Variants in DLGAP2 observed in about 807,000 individuals in gnomAD.
DLGAP2 encodes disks large-associated protein 2.
A neutral mutation model predicts 100.3 loss-of-function variants in DLGAP2; 26 were observed. The ratio of observed to expected loss-of-function variants is 0.26; its 90% confidence interval spans 0.19 to 0.36. The LOEUF (loss-of-function observed/expected upper bound fraction) is 0.36. Among genes scored for constraint, DLGAP2 ranks in the 10% least tolerant of loss-of-function variants. The pLI, the probability that DLGAP2 is intolerant of heterozygous loss-of-function variation, is 1.00. For synonymous variants in DLGAP2, 886 were observed against 630.1 expected (o/e 1.41, Z -6.08); for missense variants, 1,858 against 1,453.2 (o/e 1.28, Z -4.53).
At chr8:1,452,381 C>T (rs557615610) in intron 3 of DLGAP2, among the ~76,000 whole-genome samples, 15 of 152,300 alleles carry the variant, frequency 9.8e-5, no homozygotes, top group African/African-American at 2.6e-4. Flanking sequence ...AGCCCTGAGC[C>T]GAGGCTATGC....
At chr8:898,357 C>T (rs1429827917) in intron 1 of DLGAP2, among the ~76,000 whole-genome samples, 2 of 152,184 alleles carry the variant, frequency 1.3e-5, no homozygotes, top group East Asian at 1.9e-4. Flanking sequence ...GCACACGCAT[C>T]TCCTCGGGCT....
chr8:1,330,886 G>T (rs1801141905), intron 3 of DLGAP2, among the ~76,000 whole-genome samples: 1 of 150,164 alleles, frequency 6.7e-6, no homozygotes, highest in Non-Finnish European at 1.5e-5. Context: ...TCGCTTCACG[G>T]GGACTGAGTT....
intron 2 of DLGAP2, among the ~76,000 whole-genome samples, chr8:1,221,162 A>G (rs57679355): frequency 0.077 from 11,726 of 152,120 alleles, 1,097 homozygotes; most frequent in African/African-American, 0.22. Context: ...ATCGTTATGT[A>G]TACTCGGTTA....
intron 2 of DLGAP2, among the ~76,000 whole-genome samples, chr8:1,126,815 C>T (rs113475848): frequency 0.015 from 2,229 of 152,120 alleles, 56 homozygotes; most frequent in African/African-American, 0.051. Flanking sequence ...CTCCCACGGG[C>T]TCTGGAAGGC....
chr8:1,180,802 T>C (rs1238462282), intron 2 of DLGAP2, among the ~76,000 whole-genome samples: 1 of 151,716 alleles, frequency 6.6e-6, no homozygotes, highest in Non-Finnish European at 1.5e-5. Context: ...GCAAGGGCAG[T>C]ACACTTACCG....
At chr8:1,043,825 C>G (rs1192363413) in intron 2 of DLGAP2, among the ~76,000 whole-genome samples, 1 of 152,118 alleles carries the variant, frequency 6.6e-6, no homozygotes, top group East Asian at 1.9e-4. Flanking sequence ...TCTTTGGCTG[C>G]TGTTAGAAGG....
intron 3 of DLGAP2, among the ~76,000 whole-genome samples, chr8:1,475,709 C>T (rs1315689868): frequency 6.6e-6 from 1 of 152,220 alleles, no homozygotes; most frequent in African/African-American, 2.4e-5. Flanking sequence ...CACGGCAGAA[C>T]ACGAGTGGCA....
chr8:1,552,402 C>A (rs1801800612), intron 5 of DLGAP2, among the ~76,000 whole-genome samples: 1 of 152,226 alleles, frequency 6.6e-6, no homozygotes, highest in Non-Finnish European at 1.5e-5. Flanking sequence ...CTCACTGTCC[C>A]CCAGTGGTTG....
At chr8:1,214,530 C>T (rs962838616) in intron 2 of DLGAP2, among the ~76,000 whole-genome samples, 1 of 152,202 alleles carries the variant, frequency 6.6e-6, no homozygotes, top group African/African-American at 2.4e-5. Flanking sequence ...ATACCCTAAC[C>T]CGGAAGTCAG....
At chr8:998,819 A>G (rs1325747634) in intron 2 of DLGAP2, among the ~76,000 whole-genome samples, 1 of 152,142 alleles carries the variant, frequency 6.6e-6, no homozygotes, top group African/African-American at 2.4e-5. Flanking sequence ...TCCTCATAAC[A>G]GCAGTCTTTA....
In DLGAP2 at chr8:1,644,024, GCCC is replaced by G. The variant is rs1167796397; in HGVS notation, c.1810+10979_1810+10981del. Among the ~76,000 whole-genome samples, 45 of 69,954 alleles carry G rather than the reference GCCC, an allele frequency of 6.4e-4. 9 individuals carry two copies. The highest frequency in any genetic ancestry group is 8.5e-4 in the East Asian group (2 of 2,346). The allele number at this position is 69,954 out of a possible 152,430, so 45.9% of individuals were successfully genotyped here. Reference sequence around the variant, plus strand: ...ACCTGTGTCACCCTCGACCCCGCCGGCCCTCACCTGTGTCACCCTCGAACCCGC... The same window carrying G: ...ACCTGTGTCACCCTCGACCCCGCCGGTCACCTGTGTCACCCTCGAACCCGC... On this transcript the variant is annotated intron_variant, in intron 8 of 14. Transcript: ENST00000637795.
intron 2 of DLGAP2, among the ~76,000 whole-genome samples, chr8:1,155,693 C>A (rs568853041): frequency 6.4e-4 from 97 of 152,242 alleles, no homozygotes; most frequent in African/African-American, 2.3e-3. Flanking sequence ...CAGGCCCCTC[C>A]GAGGCTTCCC....
intron 3 of DLGAP2, among the ~76,000 whole-genome samples, chr8:1,290,751 A>C (rs1039422202): frequency 2.6e-5 from 4 of 152,236 alleles, no homozygotes; most frequent in African/African-American, 9.6e-5. Flanking sequence ...TAAAATGCTA[A>C]AATGCTGCGT....
intron 3 of DLGAP2, chr8:1,368,716 C>T (rs1802168027): frequency 6.6e-6 from 1 of 152,190 alleles, no homozygotes; most frequent in Non-Finnish European, 1.5e-5. Flanking sequence ...AGCGTTACCT[C>T]ATTAGCTGGT....
At chr8:1,695,967 G>C (rs1585073235) in intron 13 of DLGAP2, among the ~76,000 whole-genome samples, 1 of 152,372 alleles carries the variant, frequency 6.6e-6, no homozygotes, top group East Asian at 1.9e-4. Context: ...CTGCCCTCGT[G>C]TGGCTGCAGA....
chr8:848,454 A>G (rs1361381803), intron 1 of DLGAP2, among the ~76,000 whole-genome samples: 1 of 30,960 alleles, frequency 3.2e-5, no homozygotes, highest in Non-Finnish European at 6.4e-5. Flanking sequence ...GTTCCAGTGT[A>G]GGGTCGTGCG....
intron 6 of DLGAP2, among the ~76,000 whole-genome samples, chr8:1,607,785 A>G (rs1334181328): frequency 2.6e-5 from 4 of 152,100 alleles, no homozygotes; most frequent in African/African-American, 9.7e-5. Context: ...TGACGGACGC[A>G]CCTGGAAAAT....
At chr8:743,721 A>C (rs1316797508) in intron 1 of DLGAP2, among the ~76,000 whole-genome samples, 2 of 151,984 alleles carry the variant, frequency 1.3e-5, no homozygotes. Context: ...GCACCACCAC[A>C]CCCAGCTAAT....
intron 2 of DLGAP2, among the ~76,000 whole-genome samples, chr8:1,224,682 C>T (rs1798379908): frequency 6.6e-6 from 1 of 152,132 alleles, no homozygotes; most frequent in Non-Finnish European, 1.5e-5. Context: ...TACTACTAAC[C>T]TTACAAGAAT....
Sources: allele counts gnomAD v4.1 joint callset (sites outside exome capture counted in the v4.1 genomes callset), GRCh38; gene constraint gnomAD v4.1.1; transcripts MANE v1.5; gene names NCBI Gene and HGNC (gene_info 2026-07-23, HGNC 2026-07-21).